Variants in IQSEC1 observed in about 807,000 individuals in gnomAD.
IQSEC1 encodes the protein IQ motif and SEC7 domain-containing protein 1.
Under a neutral mutation model 91.0 loss-of-function variants are expected in IQSEC1, and 31 were observed. The observed-to-expected ratio is 0.34, with a 90% CI of 0.26 to 0.46. IQSEC1 has a LOEUF of 0.46. IQSEC1 is among the 20% of genes least tolerant of loss of function. The pLI is 1.00. For missense variants in IQSEC1, 1,388 were observed against 1,575.6 expected (o/e 0.88, Z 2.02); for synonymous variants, 699 against 662.6 (o/e 1.05, Z -0.84).
intron 2 of IQSEC1, among the ~76,000 whole-genome samples, chr3:13,142,978 T>C (rs1706826214): frequency 6.6e-6 from 1 of 152,218 alleles, no homozygotes; most frequent in Non-Finnish European, 1.5e-5. Flanking sequence ...TTTCCTCCTG[T>C]TCTCTTTGCA....
At chr3:12,914,875 CAG>C (rs1405173732) in intron 8 of IQSEC1, among the ~76,000 whole-genome samples, 2 of 152,026 alleles carry the variant, frequency 1.3e-5, no homozygotes, top group Non-Finnish European at 2.9e-5. Flanking sequence ...CTGGGCTCAA[CAG>C]GGCGTCAACA....
chr3:13,130,542 TG>T (rs1706594938), intron 2 of IQSEC1, among the ~76,000 whole-genome samples: 1 of 152,136 alleles, frequency 6.6e-6, no homozygotes, highest in East Asian at 1.9e-4. Flanking sequence ...ATGTTGCTCT[TG>T]TTAGGTAGAG....
At chr3:13,234,526 AC>A (rs560905255) in intron 1 of IQSEC1, among the ~76,000 whole-genome samples, 11 of 151,908 alleles carry the variant, frequency 7.2e-5, no homozygotes, top group East Asian at 1.9e-4. Context: ...TCTTCTAAGT[AC>A]CCCCCTACCC....
At chr3:13,011,067 C>T (rs1702861487) in intron 1 of IQSEC1, among the ~76,000 whole-genome samples, 1 of 151,232 alleles carries the variant, frequency 6.6e-6, no homozygotes, top group South Asian at 2.1e-4. Flanking sequence ...GAGTGAAATT[C>T]ACTTTTTTTT....
At chr3:13,208,752 G>A (rs1048729614) in intron 1 of IQSEC1, among the ~76,000 whole-genome samples, 1 of 152,132 alleles carries the variant, frequency 6.6e-6, no homozygotes, top group Non-Finnish European at 1.5e-5. Context: ...CCCCAACTCC[G>A]ACCCCCTTCA....
intron 3 of IQSEC1, among the ~76,000 whole-genome samples, chr3:12,927,151 C>T (rs1416100185): frequency 6.6e-6 from 1 of 152,230 alleles, no homozygotes; most frequent in African/African-American, 2.4e-5. Context: ...CCTCAGCTTC[C>T]AGGTGAGGGG....
At position 12,940,875 on chromosome 3, in the gene IQSEC1, T is replaced by C. The variant is rs1306098747; in HGVS notation, c.318+696A>G. Among the ~76,000 whole-genome samples the C allele has an allele frequency of 1.3e-5, 2 of 152,180 alleles. No individual in the cohort carries two copies. The highest frequency in any genetic ancestry group is 2.4e-5 in the African/African-American group (1 of 41,450). On this transcript the variant is annotated intron_variant, in intron 2 of 13. Coordinates refer to ENST00000613206, the MANE Select transcript of IQSEC1 (RefSeq NM_001134382.3). The surrounding 1 kb of genome is among the most constrained non-coding windows in gnomAD (Gnocchi z 4.4). The stretch of plus-strand genomic sequence containing the variant: ...CCCCAGGGACCGCTCAGGGCCTCGC[T>C]CTTTCCTCTGCACCCCAGGATTCTC...
At chr3:13,026,180 C>G (rs548715234) in intron 1 of IQSEC1, among the ~76,000 whole-genome samples, 1 of 152,360 alleles carries the variant, frequency 6.6e-6, no homozygotes, top group African/African-American at 2.4e-5. Flanking sequence ...TCGGCAGCCA[C>G]AGTCCTGATG....
At position 12,899,530 on chromosome 3, in the gene IQSEC1, C is replaced by T; in HGVS notation, c.*1453G>A. 6 of 1,533,006 alleles carry T rather than the reference C, an allele frequency of 3.9e-6. No individual in the cohort carries two copies. Among genetic ancestry groups the T allele is most frequent in the Non-Finnish European group, 5.3e-6 (6 of 1,132,708 alleles). 95.0% of individuals were successfully genotyped at this position (1,533,006 alleles called of 1,614,324 possible). ...TGGTGTCACCACAACACAGAAGCGA[C>T]AAGAGCACAGCTGAGAGTCATGTGA... On this transcript the variant is annotated 3_prime_UTR_variant, in exon 14 of 14. Transcript: ENST00000613206.
intron 2 of IQSEC1, among the ~76,000 whole-genome samples, chr3:13,131,022 G>GGGAA (rs1293238204): frequency 3.9e-5 from 4 of 103,460 alleles, no homozygotes; most frequent in Admixed American, 8.8e-5. Context: ...AGGAACGGAA[G>GGGAA]GGAAGGAAGG....
Position 12,941,744 on chromosome 3 carries a change from C to T in IQSEC1, c.145G>A (p.Val49Met). The part of the protein sequence containing the change: ...LSPDHYEHTS[V>M]GAYGLYSGPP... ...CCCGAGTACAGCCCATAGGCTCCCACTGACGTGTGCTCGTAGTGATCCGGG... is the reference window on the plus strand; with the variant it reads ...CCCGAGTACAGCCCATAGGCTCCCATTGACGTGTGCTCGTAGTGATCCGGG... The change falls in exon 2 of 14, where the codon GTG becomes ATG. Residue 49 changes from valine to methionine, a missense_variant. Transcript: ENST00000613206. The T allele has an allele frequency of 6.2e-7, 1 of 1,612,368 alleles. No individual in the cohort carries two copies. Among genetic ancestry groups the T allele is most frequent in the Non-Finnish European group, 8.5e-7 (1 of 1,179,976 alleles).
intron 1 of IQSEC1, among the ~76,000 whole-genome samples, chr3:12,995,735 C>G (rs1426433796): frequency 2.0e-5 from 3 of 152,246 alleles, no homozygotes; most frequent in Non-Finnish European, 4.4e-5. Context: ...GTGGGTCTTC[C>G]TGCCTCGTGG....
chr3:13,055,579 C>T (rs937686927), intron 1 of IQSEC1, among the ~76,000 whole-genome samples: 14 of 152,216 alleles, frequency 9.2e-5, no homozygotes, highest in Non-Finnish European at 1.9e-4. Flanking sequence ...GTGAATCAGA[C>T]AGATGCCTTC....
intron 1 of IQSEC1, among the ~76,000 whole-genome samples, chr3:13,202,160 G>A (rs1188758512): frequency 6.6e-6 from 1 of 152,172 alleles, no homozygotes; most frequent in Non-Finnish European, 1.5e-5. Flanking sequence ...GCTAACAATT[G>A]TTGCAAGGAT....
chr3:13,271,281 G>A (rs1221651551), intron 1 of IQSEC1, among the ~76,000 whole-genome samples: 2 of 152,052 alleles, frequency 1.3e-5, no homozygotes, highest in Non-Finnish European at 2.9e-5. Context: ...GGAGGCTGAG[G>A]CAGGAGAATG....
intron 1 of IQSEC1, among the ~76,000 whole-genome samples, chr3:13,275,022 C>T (rs189974520): frequency 1.1e-3 from 168 of 152,340 alleles, no homozygotes; most frequent in Non-Finnish European, 2.0e-3. Flanking sequence ...GCCCTGGAGG[C>T]AGACAGACCT....
Position 12,900,978 on chromosome 3 carries a change from G to A in IQSEC1, c.*5C>T. On this transcript the variant is annotated 3_prime_UTR_variant, in exon 14 of 14. Coordinates refer to ENST00000613206, the MANE Select transcript of IQSEC1 (RefSeq NM_001134382.3). ...CAGGGAGCCTGGGACCCCTACCCAG[G>A]CTGTCTACACAATTGTGCTGATGCC... The A allele has an allele frequency of 6.5e-7, 1 of 1,543,586 alleles. No homozygotes were observed. The highest frequency in any genetic ancestry group is 8.7e-7 in the Non-Finnish European group (1 of 1,146,792).
In IQSEC1 at chr3:13,259,402, G is replaced by A. The variant is rs1268678210; in HGVS notation, c.272+23309C>T. The stretch of plus-strand genomic sequence containing the variant: ...CGTCAGGGGAACTGACTGCTGGCCT[G>A]CACTAAGCCCAGTGCCATATTCTCC... On this transcript the variant is annotated intron_variant, in intron 1 of 15. Coordinates refer to the IQSEC1 transcript ENST00000648114. The surrounding 1 kb of genome is among the most constrained non-coding windows in gnomAD (Gnocchi z 4.6). 6.6e-6 allele frequency among the ~76,000 whole-genome samples: 1 copy of A among 152,218 alleles called. No homozygotes were observed. The highest frequency in any genetic ancestry group is 2.4e-5 in the African/African-American group (1 of 41,442).
At chr3:13,227,637 G>C (rs1302083397) in intron 1 of IQSEC1, among the ~76,000 whole-genome samples, 1 of 152,090 alleles carries the variant, frequency 6.6e-6, no homozygotes, top group African/African-American at 2.4e-5. Context: ...GGCAGAGCAG[G>C]GGGACCGTTC....
Sources: gnomAD v4.1 joint callset for allele counts (sites outside exome capture counted in the v4.1 genomes callset) on GRCh38, gnomAD v4.1.1 for gene constraint, Gnocchi (gnomAD v3.1) non-coding constraint, MANE v1.5 for transcripts, NCBI Gene and HGNC (gene_info 2026-07-23, HGNC 2026-07-21) for gene names.